Variants in LIPJ observed in about 807,000 individuals in gnomAD.
LIPJ encodes lipase family member J.
A neutral mutation model predicts 39.8 loss-of-function variants in LIPJ; 33 were observed. The observed-to-expected ratio is 0.83, with a 90% CI of 0.63 to 1.11. The LOEUF (loss-of-function observed/expected upper bound fraction) is 1.11. LIPJ is among the 50% of genes least tolerant of loss of function. The pLI is 0.00. For synonymous variants in LIPJ, 128 were observed against 139.2 expected, an observed-to-expected ratio of 0.92 and a Z score of 0.57; for missense variants, 422 against 427.9, an observed-to-expected ratio of 0.99 and a Z score of 0.12.
chr10:88,613,730 C>T, the LIPJ span, among the ~76,000 whole-genome samples: 1 of 122,858 alleles, frequency 8.1e-6, no homozygotes, highest in Non-Finnish European at 1.7e-5. Context: ...GGTGATGAAA[C>T]TAAAGGCATC....
chr10:88,588,946 C>G (rs1850998079), intron 2 of LIPJ, among the ~76,000 whole-genome samples: 1 of 151,732 alleles, frequency 6.6e-6, no homozygotes, highest in African/African-American at 2.4e-5. Context: ...AACTATATAT[C>G]AAAGGCTTAT....
chr10:88,602,289 T>C (rs1250465224), intron 8 of LIPJ, among the ~76,000 whole-genome samples: 1 of 152,162 alleles, frequency 6.6e-6, no homozygotes, highest in Non-Finnish European at 1.5e-5. Context: ...AAAAGGTGTA[T>C]GTGTATGTGT....
At chr10:88,608,255 G>A (rs559291724), downstream of LIPJ, among the ~76,000 whole-genome samples, 7 of 152,256 alleles carry the variant, frequency 4.6e-5, no homozygotes, top group South Asian at 2.1e-4. Context: ...ACCTAACAAC[G>A]GGACTATAGA....
At chr10:88,594,615 T>A (rs1004100284) in intron 5 of LIPJ, 52 bp from the exon 6 acceptor site, 2 of 847,842 alleles carry the variant, frequency 2.4e-6, no homozygotes, top group African/African-American at 3.5e-5. Context: ...TTTCAAATAC[T>A]AACATAACAT....
downstream of LIPJ, among the ~76,000 whole-genome samples, chr10:88,607,645 T>G (rs1450899599): frequency 6.6e-6 from 1 of 152,098 alleles, no homozygotes; most frequent in Non-Finnish European, 1.5e-5. Context: ...TGTAGATATA[T>G]TCAAGAGAGT....
chr10:88,621,923 T>TA, the LIPJ span, among the ~76,000 whole-genome samples: 1 of 152,310 alleles, frequency 6.6e-6, no homozygotes, highest in Admixed American at 6.5e-5. Flanking sequence ...ACCATTATCT[T>TA]ATGAGTAATT....
At chr10:88,591,852 T>C (rs1851091075) in intron 4 of LIPJ, 1 of 155,104 alleles carries the variant, frequency 6.4e-6, no homozygotes, top group East Asian at 1.9e-4. Context: ...TGGTACAAAT[T>C]TCCTTTTTTG....
chr10:88,584,498 A>C (rs1336040937), upstream of LIPJ: 1 of 152,270 alleles, frequency 6.6e-6, no homozygotes, highest in East Asian at 1.9e-4. Flanking sequence ...TATTGGATAG[A>C]GTTCTTGAAT....
chr10:88,583,432 T>G, upstream of LIPJ: 6 of 1,343,562 alleles, frequency 4.5e-6, no homozygotes, highest in Non-Finnish European at 3.8e-6. Flanking sequence ...CTGTCTGTCT[T>G]CTCGCTTTGG....
the LIPJ span, among the ~76,000 whole-genome samples, chr10:88,622,937 T>C: frequency 6.6e-6 from 1 of 152,276 alleles, no homozygotes; most frequent in South Asian, 2.1e-4. Flanking sequence ...GCTTAGATCA[T>C]GATTCAAATT....
intron 5 of LIPJ, chr10:88,594,375 C>A (rs1590078277): frequency 2.0e-6 from 1 of 510,574 alleles, no homozygotes; most frequent in East Asian, 3.3e-5. Flanking sequence ...CCTTACTGAC[C>A]AACCCCATCC....
At chr10:88,612,745 A>T in the LIPJ span, among the ~76,000 whole-genome samples, 1 of 152,164 alleles carries the variant, frequency 6.6e-6, no homozygotes, top group Middle Eastern at 3.2e-3. Context: ...AACAATTACG[A>T]CTAGACCTAA....
intron 4 of LIPJ, chr10:88,593,573 C>T (rs112617903): frequency 0.019 from 2,999 of 157,618 alleles, 73 homozygotes; most frequent in South Asian, 0.082. Context: ...CCAGTGGATA[C>T]CATGGCCATG....
chr10:88,607,889 C>A (rs545526368), downstream of LIPJ, among the ~76,000 whole-genome samples: 256 of 152,302 alleles, frequency 1.7e-3, no homozygotes, highest in Non-Finnish European at 3.0e-3. Flanking sequence ...ACTGAAAAAT[C>A]AATAATTCCT....
At chr10:88,609,649 C>A (rs905579099), downstream of LIPJ, among the ~76,000 whole-genome samples, 9 of 152,112 alleles carry the variant, frequency 5.9e-5, no homozygotes, top group Admixed American at 4.6e-4. Flanking sequence ...GCCTGTAATC[C>A]CAGCACTTTG....
intron 8 of LIPJ, among the ~76,000 whole-genome samples, chr10:88,600,912 AG>A (rs1438397628): frequency 6.6e-6 from 1 of 152,176 alleles, no homozygotes; most frequent in African/African-American, 2.4e-5. Context: ...ATGAAGCAAA[AG>A]GGAGCCAAAC....
At chr10:88,592,111 T>C (rs1054379515) in intron 4 of LIPJ, 1 of 151,954 alleles carries the variant, frequency 6.6e-6, no homozygotes, top group African/African-American at 2.4e-5. Flanking sequence ...CCTGAAAGAA[T>C]GTTTCTTTCA....
In LIPJ at chr10:88,591,442, A is replaced by G. The variant is rs552430910; in HGVS notation, c.74A>G (p.Tyr25Cys). The G allele has an allele frequency of 2.6e-5, 42 of 1,602,238 alleles. No individual in the cohort carries two copies. The South Asian group carries it at 4.3e-4, about 16-fold the overall frequency. Residue 25 changes from tyrosine (Y) to cysteine (C), a missense_variant, in exon 4 of 11, where the codon TAT (tyrosine) becomes TGT (cysteine). Tyr to Cys is a radical substitution (Grantham distance 194). Transcript: ENST00000371939. ...TATGATATTGTAACCGAAGATGGTT[A>G]TATCCTTGGCCTTTATAGAATTCCT...
intron 5 of LIPJ, chr10:88,594,438 CT>C (rs1851185825): frequency 4.3e-6 from 2 of 465,474 alleles, no homozygotes; most frequent in Non-Finnish European, 7.6e-6. Context: ...CTACCCTACT[CT>C]ATTTTTCATA....
Sources: gnomAD v4.1 joint callset for allele counts (sites outside exome capture counted in the v4.1 genomes callset) on GRCh38, gnomAD v4.1.1 for gene constraint, MANE v1.5 for transcripts, NCBI Gene and HGNC (gene_info 2026-07-23, HGNC 2026-07-21) for gene names.